The following RARA variants were observed in gnomAD, a reference collection of about 807,000 sequenced individuals.
The protein encoded by RARA is retinoic acid receptor alpha.
A neutral mutation model predicts 42.8 loss-of-function variants in RARA; 5 were observed. The observed-to-expected ratio is 0.12, with a 90% CI of 0.06 to 0.25. RARA has a LOEUF of 0.25. RARA is among the 10% of genes least tolerant of loss of function. The pLI is 1.00. For missense variants in RARA, 402 were observed against 628.7 expected, an observed-to-expected ratio of 0.64 and a Z score of 3.86; for synonymous variants, 256 against 259.5, an observed-to-expected ratio of 0.99 and a Z score of 0.13.
Position 40,348,949 on chromosome 17 carries a change from G to A in RARA, c.327+485G>A, listed in dbSNP as rs1351205427. ...CTGGATTTCCCCATCCTCACGTTAG[G>A]TGCCAGGGTGCAGGTATACCTGGTC... On this transcript the variant is annotated intron_variant, in intron 3 of 8. Transcript: ENST00000254066. 3 of 157,948 alleles carry A rather than the reference G, an allele frequency of 1.9e-5. No homozygotes were observed. In the Admixed American group the frequency reaches 1.9e-4, roughly 10 times the overall value. 9.8% of individuals were successfully genotyped at this position (157,948 alleles called of 1,614,324 possible). A position where few individuals can be genotyped will look rare whatever the true frequency, so the allele number is the denominator to read the frequency against.
intron 1 of RARA, among the ~76,000 whole-genome samples, chr17:40,328,044 T>C (rs192299352): frequency 2.0e-5 from 3 of 152,182 alleles, no homozygotes; most frequent in Admixed American, 6.5e-5. Flanking sequence ...GTAAAAATCG[T>C]GGTTATTAGC....
rs1403280367 is a variant in RARA, at chr17:40,355,595, C to T, written c.1171+174C>T. Among the ~76,000 whole-genome samples, 1 of 152,228 alleles carries T rather than the reference C, an allele frequency of 6.6e-6. No individual in the cohort carries two copies. Among genetic ancestry groups the T allele is most frequent in the African/African-American group, 2.4e-5 (1 of 41,462 alleles). On this transcript the variant is annotated intron_variant, in intron 8 of 8. Coordinates refer to ENST00000254066, the MANE Select transcript of RARA (RefSeq NM_000964.4). The surrounding 1 kb of genome is among the most constrained non-coding windows in gnomAD (Gnocchi z 4.1). The stretch of plus-strand genomic sequence containing the variant: ...TGCCGAGGTGGCCCGCCTGTGTCAC[C>T]TTTGTGTGGTAGTTCAGATCGTGGC...
At chr17:40,311,051 T>C (rs988885931) in intron 1 of RARA, among the ~76,000 whole-genome samples, 18 of 152,086 alleles carry the variant, frequency 1.2e-4, no homozygotes, top group African/African-American at 4.1e-4. Flanking sequence ...TTTCTTCCTC[T>C]GGGGCCCCAT....
chr17:40,331,450 C>A, intron 2 of RARA, 54 bp downstream of exon 2: 1 of 1,562,440 alleles, frequency 6.4e-7, no homozygotes, highest in Non-Finnish European at 8.7e-7. Flanking sequence ...GGTGGCAGGC[C>A]TCAGAGCTTG....
chr17:40,338,499 C>A (rs1202413887), intron 2 of RARA, among the ~76,000 whole-genome samples: 1 of 152,110 alleles, frequency 6.6e-6, no homozygotes, highest in Admixed American at 6.5e-5. Context: ...TCCTGTGTGG[C>A]CTTGGGCAGG....
In RARA at chr17:40,342,566, C is replaced by T. The variant is rs1443663368; in HGVS notation, c.179-5750C>T. 1.1e-5 allele frequency: 15 copies of T among 1,365,988 alleles called. No individual in the cohort carries two copies. In the Admixed American group the frequency reaches 3.8e-4, roughly 35 times the overall value. The allele number at this position is 1,365,988 out of a possible 1,614,324, so 84.6% of individuals were successfully genotyped here. On this transcript the variant is annotated intron_variant, in intron 2 of 8. Coordinates refer to ENST00000254066, the MANE Select transcript of RARA (RefSeq NM_000964.4). ...CGCGGGGACTTCAGGGCAGGGGGCG[C>T]CCCCTGCCCGGGTCACCAGTCGGGG... is the stretch of plus-strand genomic sequence containing the variant.
rs1356666001 is a variant in RARA, at chr17:40,315,130, G to GTATATGTATATATATATATATATA, written c.-363+5845_-363+5846insATATGTATATATATATATATATAT. Among the ~76,000 whole-genome samples the GTATATGTATATATATATATATATA allele has an allele frequency of 5.6e-5, 3 of 53,982 alleles. No individual in the cohort carries two copies. In the East Asian group the frequency reaches 1.9e-3, roughly 35 times the overall value. The allele number at this position is 53,982 out of a possible 152,430, so 35.4% of individuals were successfully genotyped here. On this transcript the variant is annotated intron_variant, in intron 1 of 8. Transcript: ENST00000254066. ...TATATATATATATATATGCTTATAT[G>GTATATGTATATATATATATATATA]TGTATATATATATATATATATATAT...
intron 2 of RARA, among the ~76,000 whole-genome samples, chr17:40,338,740 T>C (rs901403646): frequency 1.5e-5 from 2 of 132,040 alleles, no homozygotes; most frequent in Non-Finnish European, 3.2e-5. Flanking sequence ...GTGGGCACGG[T>C]GGCTCATGCC....
chr17:40,339,428 G>A (rs1027480795), intron 2 of RARA, among the ~76,000 whole-genome samples: 7 of 152,220 alleles, frequency 4.6e-5, no homozygotes, highest in Admixed American at 2.0e-4. Flanking sequence ...GCTGCCGCTG[G>A]AGGCCCCCCA....
rs180770186 is a variant in RARA, at chr17:40,310,375, G to C, written c.-363+1089G>C. Among the ~76,000 whole-genome samples the C allele has an allele frequency of 1.8e-3, 272 of 151,524 alleles. 1 individual carries two copies. Among genetic ancestry groups the C allele is most frequent in the Non-Finnish European group, 2.7e-3 (186 of 67,874 alleles). On this transcript the variant is annotated intron_variant, in intron 1 of 8. Coordinates refer to ENST00000254066, the MANE Select transcript of RARA (RefSeq NM_000964.4). ...CTTACCATGTGTGAGTGTGTGTCTT[G>C]CTTCTGGGGGTAGTAGACTGGGGAG... is the stretch of plus-strand genomic sequence containing the variant.
At chr17:40,344,186 T>TG (rs1473225800) in intron 2 of RARA, among the ~76,000 whole-genome samples, 1 of 151,866 alleles carries the variant, frequency 6.6e-6, no homozygotes, top group Admixed American at 6.6e-5. Flanking sequence ...AGACCTGAGA[T>TG]GGACAGACAG....
At chr17:40,346,198 A>G (rs1314906514) in intron 2 of RARA, among the ~76,000 whole-genome samples, 2 of 152,266 alleles carry the variant, frequency 1.3e-5, no homozygotes, top group Non-Finnish European at 2.9e-5. Context: ...CCATGTTTTT[A>G]TGGCTTTTTG....
chr17:40,316,676 C>T (rs1044614473), intron 1 of RARA, among the ~76,000 whole-genome samples: 2 of 152,176 alleles, frequency 1.3e-5, no homozygotes, highest in Non-Finnish European at 2.9e-5. Context: ...CTGCTGTTGG[C>T]GGGGCTCAGG....
chr17:40,325,112 G>T (rs184564743), intron 1 of RARA, among the ~76,000 whole-genome samples: 1 of 152,000 alleles, frequency 6.6e-6, no homozygotes, highest in Admixed American at 6.6e-5. Context: ...TTAGCTGGGC[G>T]TGGTGGCAGG....
In RARA at chr17:40,354,200, C is replaced by CTGCCA; in HGVS notation, c.808-101_808-97dup. 8.8e-7 allele frequency: 1 copy of CTGCCA among 1,133,912 alleles called. No individual in the cohort carries two copies. The allele number at this position is 1,133,912 out of a possible 1,614,324, so 70.2% of individuals were successfully genotyped here. On this transcript the variant is annotated intron_variant, in intron 6 of 8. Transcript: ENST00000254066. This position sits in a 1 kb window ranked among gnomAD's most constrained non-coding sequence, Gnocchi z 4.5. ...TATCAGACAGCATTGCTCCGGCCACCTGCCAGGTGGTCCTCCGGGAGTGCT... is the reference window on the plus strand; with the variant it reads ...TATCAGACAGCATTGCTCCGGCCACCTGCCATGCCAGGTGGTCCTCCGGGAGTGCT...
intron 2 of RARA, among the ~76,000 whole-genome samples, chr17:40,331,905 A>G (rs2033703515): frequency 6.6e-6 from 1 of 152,104 alleles, no homozygotes; most frequent in East Asian, 1.9e-4. Context: ...ACCCCCGGCC[A>G]TGCTAGGATG....
At chr17:40,319,915 A>AG (rs1306674572) in intron 1 of RARA, among the ~76,000 whole-genome samples, 1 of 152,008 alleles carries the variant, frequency 6.6e-6, no homozygotes, top group African/African-American at 2.4e-5. Context: ...GAGGAATAAG[A>AG]GGGGGTGGTT....
At chr17:40,335,193 G>C (rs2033809218) in intron 2 of RARA, among the ~76,000 whole-genome samples, 1 of 152,128 alleles carries the variant, frequency 6.6e-6, no homozygotes, top group Non-Finnish European at 1.5e-5. Context: ...GAGTCAGCCT[G>C]TCTGTGTGTT....
intron 1 of RARA, among the ~76,000 whole-genome samples, chr17:40,324,824 T>C (rs763307931): frequency 1.3e-5 from 2 of 152,116 alleles, no homozygotes; most frequent in Non-Finnish European, 2.9e-5. Context: ...CTAGGGCAGA[T>C]TTTCAAACCA....
Sources: allele counts gnomAD v4.1 joint callset (sites outside exome capture counted in the v4.1 genomes callset), GRCh38; gene constraint gnomAD v4.1.1; non-coding constraint Gnocchi (gnomAD v3.1); transcripts MANE v1.5; gene names NCBI Gene and HGNC (gene_info 2026-07-23, HGNC 2026-07-21).